The following COMMD9 variants were observed in gnomAD, a reference collection of about 807,000 sequenced individuals.
COMMD9 encodes the protein COMM domain-containing protein 9.
COMMD9 carries 22 observed loss-of-function variants against 23.4 expected under a neutral mutation model. The observed-to-expected ratio is 0.94, with a 90% CI of 0.67 to 1.34. The LOEUF is 1.34. COMMD9 is among the 40% of genes most tolerant of loss of function. COMMD9 has a pLI of 0.00. For synonymous variants in COMMD9, 99 were observed against 97.4 expected, an observed-to-expected ratio of 1.02 and a Z score of -0.10; for missense variants, 231 against 240.2, an observed-to-expected ratio of 0.96 and a Z score of 0.25.
At chr11:36,285,062 TGAAA>T (rs1453840788) in intron 1 of COMMD9, among the ~76,000 whole-genome samples, 1 of 152,060 alleles carries the variant, frequency 6.6e-6, no homozygotes, top group Non-Finnish European at 1.5e-5. Flanking sequence ...GAGAAATCGA[TGAAA>T]GAAACAGCTG....
chr11:36,281,126 T>A (rs1856059071), intron 1 of COMMD9, among the ~76,000 whole-genome samples: 1 of 152,114 alleles, frequency 6.6e-6, no homozygotes, highest in South Asian at 2.1e-4. Flanking sequence ...AGTGGTGAGT[T>A]CCCTGGATTT....
At chr11:36,286,101 TA>T (rs1439425698) in intron 1 of COMMD9, among the ~76,000 whole-genome samples, 1 of 152,234 alleles carries the variant, frequency 6.6e-6, no homozygotes, top group Non-Finnish European at 1.5e-5. Flanking sequence ...AAACTGTCTC[TA>T]TTTGTAAATA....
Position 36,274,336 on chromosome 11 carries a change from C to T in COMMD9, c.*296G>A, listed in dbSNP as rs751143995. On this transcript the variant is annotated 3_prime_UTR_variant, in exon 6 of 6. Transcript: ENST00000263401. ...CAAACAGCTATGCAGAGGCAGCTGA[C>T]GATGCAAATGTTCCCTCACCCTGCC... 4 of 614,342 alleles carry T rather than the reference C, an allele frequency of 6.5e-6. No homozygotes were observed. Among genetic ancestry groups the T allele is most frequent in the African/African-American group, 1.8e-5 (1 of 55,520 alleles). The allele number at this position is 614,342 out of a possible 1,614,324, so 38.1% of individuals were successfully genotyped here.
rs892614632 is a variant in COMMD9 at position 36,273,663 on chromosome 11, A to C, written c.*969T>G. 2.0e-5 allele frequency: 3 copies of C among 152,190 alleles called. No individual in the cohort carries two copies. The highest frequency in any genetic ancestry group is 4.8e-5 in the African/African-American group (2 of 41,418). The allele number at this position is 152,190 out of a possible 1,614,324, so 9.4% of individuals were successfully genotyped here. On this transcript the variant is annotated 3_prime_UTR_variant, in exon 6 of 6. Coordinates refer to ENST00000263401, the MANE Select transcript of COMMD9 (RefSeq NM_014186.4). ...CGCCCAGCTAATTTTTTGTATTTTT[A>C]GTAGAGATGGGGTTTCACCATGGTC... is the stretch of plus-strand genomic sequence containing the variant.
intron 1 of COMMD9, 27 bp downstream of exon 1, chr11:36,289,335 C>T: frequency 6.5e-7 from 1 of 1,548,426 alleles, no homozygotes; most frequent in South Asian, 1.2e-5. Flanking sequence ...AGGGCCACCT[C>T]ACGCTGTCCC....
chr11:36,274,203 T>C lies in COMMD9; in HGVS notation c.*429A>G. On this transcript the variant is annotated 3_prime_UTR_variant, in exon 6 of 6. Coordinates refer to ENST00000263401, the MANE Select transcript of COMMD9 (RefSeq NM_014186.4). ...AGGAGCAGGAACTGCTGGCATCACC[T>C]GTCCGATTCCCTCCATGTGTTCTGG... 1 of 453,442 alleles carries C rather than the reference T, an allele frequency of 2.2e-6. No homozygotes were observed. 28.1% of individuals were successfully genotyped at this position (453,442 alleles called of 1,614,324 possible).
Position 36,276,133 on chromosome 11 carries a change from G to A in COMMD9, c.456+4C>T. The stretch of plus-strand genomic sequence containing the variant: ...TCTTTCTAATGGCATGATAGTGAAT[G>A]TACCTTCATCTGGAGCAGGCAGGTG... On this transcript the variant is annotated splice_donor_region_variant and intron_variant, in intron 5 of 5. Coordinates refer to ENST00000263401, the MANE Select transcript of COMMD9 (RefSeq NM_014186.4). The A allele has an allele frequency of 6.2e-7, 1 of 1,607,274 alleles. No individual in the cohort carries two copies. Among genetic ancestry groups the A allele is most frequent in the Non-Finnish European group, 8.5e-7 (1 of 1,173,800 alleles).
intron 1 of COMMD9, among the ~76,000 whole-genome samples, chr11:36,286,410 A>AAAAAAGAAAG (rs1285648187): frequency 1.1e-4 from 12 of 104,822 alleles, no homozygotes; most frequent in Admixed American, 6.8e-4. Context: ...AAAAAAAAAA[A>AAAAAAGAAAG]AAAGAAAGAA....
At chr11:36,284,107 AC>A in intron 1 of COMMD9, among the ~76,000 whole-genome samples, 1 of 36,560 alleles carries the variant, frequency 2.7e-5, no homozygotes, top group Non-Finnish European at 1.0e-4. Context: ...CCCTGTCTCA[AC>A]AACAACAACA....
intron 1 of COMMD9, among the ~76,000 whole-genome samples, chr11:36,281,769 C>T (rs1379269720): frequency 6.6e-6 from 1 of 152,006 alleles, no homozygotes; most frequent in Non-Finnish European, 1.5e-5. Flanking sequence ...ATTCATTAAA[C>T]CAAGAACCAG....
intron 1 of COMMD9, 25 bp from the exon 2 acceptor site, chr11:36,280,862 A>G (rs760629658): frequency 1.3e-6 from 2 of 1,491,210 alleles, no homozygotes; most frequent in Non-Finnish European, 1.8e-6. Context: ...ACAGATAGGA[A>G]AAAAAAAAAC....
Position 36,276,388 on chromosome 11 carries a change from G to C in COMMD9, c.353-148C>G, listed in dbSNP as rs144013354. 2.3e-4 allele frequency: 143 copies of C among 614,696 alleles called. No homozygotes were observed. The Admixed American group carries it at 3.0e-3, about 13-fold the overall frequency. 38.1% of individuals were successfully genotyped at this position (614,696 alleles called of 1,614,324 possible). A position where few individuals can be genotyped will look rare whatever the true frequency, so the allele number is the denominator to read the frequency against. ...AGAAAGACAGATAAACAAAGCCCGA[G>C]ACCCACAGCGAGTCATGTGCCTTAC... is the stretch of plus-strand genomic sequence containing the variant. On this transcript the variant is annotated intron_variant, in intron 4 of 5. Transcript: ENST00000263401.
chr11:36,280,826 T>A lies in COMMD9; in HGVS notation c.63A>T (p.Lys21Asn). The change falls in exon 2 of 6, where the codon AAA becomes AAT. Residue 21 changes from lysine (K) to asparagine (N), a missense_variant. Coordinates refer to ENST00000263401, the MANE Select transcript of COMMD9 (RefSeq NM_014186.4). ...CTTGACACAGCTGTCTGACAACATC[T>A]TTCGAGGAGGCCTATGAATTAAATC... ...ALQSLLKASSKDVVRQLCQES... is the reference protein window; with the variant it reads ...ALQSLLKASSNDVVRQLCQES... 3 of 1,586,114 alleles carry A rather than the reference T, an allele frequency of 1.9e-6. No homozygotes were observed. Among genetic ancestry groups the A allele is most frequent in the Non-Finnish European group, 2.6e-6 (3 of 1,166,322 alleles).
At chr11:36,289,252 G>A in intron 1 of COMMD9, 110 bp downstream of exon 1, 1 of 1,012,552 alleles carries the variant, frequency 9.9e-7, no homozygotes, top group South Asian at 1.7e-5. Context: ...CAGAGAACAA[G>A]CAGCAGAGTT....
At chr11:36,278,256 G>C in intron 3 of COMMD9, 1 of 476,144 alleles carries the variant, frequency 2.1e-6, no homozygotes, top group Non-Finnish European at 3.7e-6. Context: ...ACCTCTTACA[G>C]AGGTGTAAAG....
chr11:36,289,183 A>G (rs1432158186), intron 1 of COMMD9, among the ~76,000 whole-genome samples, 179 bp downstream of exon 1: 1 of 151,754 alleles, frequency 6.6e-6, no homozygotes, highest in Non-Finnish European at 1.5e-5. Context: ...TGTCAAAACG[A>G]TATTTTGTTC....
At chr11:36,276,988 G>T (rs1423422817) in intron 4 of COMMD9, 101 bp downstream of exon 4, 1 of 1,031,276 alleles carries the variant, frequency 9.7e-7, no homozygotes, top group South Asian at 1.7e-5. Context: ...GACTAGAATG[G>T]TTCACTTTGG....
At chr11:36,276,013 A>C (rs1855963976) in intron 5 of COMMD9, 124 bp downstream of exon 5, 1 of 657,172 alleles carries the variant, frequency 1.5e-6, no homozygotes, top group South Asian at 1.8e-5. Flanking sequence ...TAAACAAAGG[A>C]GGATAAAGGG....
chr11:36,278,401 T>G, intron 3 of COMMD9, 76 bp downstream of exon 3: 2 of 1,371,376 alleles, frequency 1.5e-6, no homozygotes, highest in Non-Finnish European at 2.1e-6. Context: ...ATGAGCATAT[T>G]ACTACTTCTA....
Sources: gnomAD v4.1 joint callset for allele counts (sites outside exome capture counted in the v4.1 genomes callset) on GRCh38, gnomAD v4.1.1 for gene constraint, MANE v1.5 for transcripts, NCBI Gene and HGNC (gene_info 2026-07-23, HGNC 2026-07-21) for gene names.